The following STK11 variants were observed in gnomAD, a reference collection of about 807,000 sequenced individuals.
STK11 encodes the protein serine/threonine kinase 11.
STK11 carries 8 observed loss-of-function variants against 47.3 expected under a neutral mutation model. That is an observed-to-expected ratio of 0.17 (90% CI 0.10 to 0.31). The LOEUF (loss-of-function observed/expected upper bound fraction) is 0.31, where lower values mean the gene tolerates loss of function less well. Ranked by LOEUF, STK11 falls within the 10% of genes least tolerant of loss-of-function variation. STK11 has a pLI of 1.00. For missense variants in STK11, 475 were observed against 605.0 expected (o/e 0.79, Z 2.25); for synonymous variants, 330 against 255.8 (o/e 1.29, Z -2.77).
At position 1,213,170 on chromosome 19, in the gene STK11, T is replaced by G. The variant is rs2080723461; in HGVS notation, c.291-5247T>G. ...TGCCACCATGCCCGGCTAATTTTTT[T>G]GTATTTTTAGTAGAGATGGGGTTTC... On this transcript the variant is annotated intron_variant, in intron 1 of 9. Coordinates refer to ENST00000326873, the MANE Select transcript of STK11 (RefSeq NM_000455.5). 2.0e-5 allele frequency among the ~76,000 whole-genome samples: 3 copies of G among 151,188 alleles called. No individual in the cohort carries two copies. The South Asian group carries it at 6.3e-4, about 32-fold the overall frequency.
At chr19:1,223,234 A>G (rs2145431700) in intron 8 of STK11, 62 bp downstream of exon 8, 5 of 1,550,344 alleles carry the variant, frequency 3.2e-6, no homozygotes, top group South Asian at 1.2e-5. Context: ...CCACGGGAGC[A>G]GGGTGCCTGC....
At position 1,219,383 on chromosome 19, in the gene STK11, A is replaced by G. The variant is rs369764220; in HGVS notation, c.434A>G (p.Glu145Gly). 1.1e-5 allele frequency: 17 copies of G among 1,506,544 alleles called. No individual in the cohort carries two copies. Among genetic ancestry groups the G allele is most frequent in the Non-Finnish European group, 1.5e-5 (17 of 1,123,030 alleles). 93.3% of individuals were successfully genotyped at this position (1,506,544 alleles called of 1,614,324 possible). Residue 145 changes from glutamate (E) to glycine (G), a missense_variant, in exon 3 of 10, where the codon GAG becomes GGG. Physicochemically the swap from Glu to Gly is moderately conservative, Grantham distance 98. This residue lies in a region of STK11 where 130 missense variants were observed against 239.7 expected (regional missense o/e 0.54). Coordinates refer to ENST00000326873, the MANE Select transcript of STK11 (RefSeq NM_000455.5). ...GMQEMLDSVP[E>G]KRFPVCQAHG... is the part of the protein sequence containing the mutation. ...CAGGAAATGCTGGACAGCGTGCCGG[A>G]GAAGCGTTTCCCAGTGTGCCAGGCC...
At chr19:1,225,012 G>A (rs1055088496) in intron 8 of STK11, 3 of 984,954 alleles carry the variant, frequency 3.0e-6, no homozygotes, top group Non-Finnish European at 3.6e-6. Context: ...CGGCCTCTGC[G>A]TGCCTCCACT....
chr19:1,206,056 C>A lies in STK11; in HGVS notation c.-858C>A, dbSNP rs2080662004. On this transcript the variant is annotated 5_prime_UTR_variant, in exon 1 of 10. Transcript: ENST00000326873. The stretch of plus-strand genomic sequence containing the variant: ...GCCGCCGGGAGCCCCGTGGAGCCCC[C>A]GCCGCCGCGCCGCCCCGCGGACCGG... The A allele has an allele frequency of 6.9e-6, 1 of 145,982 alleles. No homozygotes were observed. The highest frequency in any genetic ancestry group is 2.1e-4 in the South Asian group (1 of 4,804). The allele number at this position is 145,982 out of a possible 1,614,324, so 9.0% of individuals were successfully genotyped here.
At chr19:1,225,090 TTGGG>T (rs2080811687) in intron 8 of STK11, 1 of 985,948 alleles carries the variant, frequency 1.0e-6, no homozygotes, top group Non-Finnish European at 1.2e-6. Context: ...GGGAAGGGGC[TTGGG>T]CTAGATCCTG....
Position 1,227,729 on chromosome 19 carries a change from C to T in STK11, c.*153C>T, listed in dbSNP as rs1362573034. On this transcript the variant is annotated 3_prime_UTR_variant, in exon 10 of 10. Coordinates refer to ENST00000326873, the MANE Select transcript of STK11 (RefSeq NM_000455.5). ...AGGACCTCCGGAGCGCCCTGCAGGG[C>T]CGGGCAGGGGGACAGCAGGGACCGG... The T allele has an allele frequency of 9.3e-7, 1 of 1,071,734 alleles. No homozygotes were observed. The highest frequency in any genetic ancestry group is 4.5e-5 in the South Asian group (1 of 22,020). 66.4% of individuals were successfully genotyped at this position (1,071,734 alleles called of 1,614,324 possible). A position where few individuals can be genotyped will look rare whatever the true frequency, so the allele number is the denominator to read the frequency against.
Position 1,206,838 on chromosome 19 carries a change from A to G in STK11, c.-76A>G. On this transcript the variant is annotated 5_prime_UTR_variant, in exon 1 of 10. Coordinates refer to ENST00000326873, the MANE Select transcript of STK11 (RefSeq NM_000455.5). ...TTCTTTGTAAAATTTTGGAGAAGGG[A>G]AGTCGGAACACAAGGAAGGACCGCT... 1 of 1,441,760 alleles carries G rather than the reference A, an allele frequency of 6.9e-7. No homozygotes were observed. Among genetic ancestry groups the G allele is most frequent in the Non-Finnish European group, 9.2e-7 (1 of 1,088,986 alleles). 89.3% of individuals were successfully genotyped at this position (1,441,760 alleles called of 1,614,324 possible). A position where few individuals can be genotyped will look rare whatever the true frequency, so the allele number is the denominator to read the frequency against.
In STK11 at chr19:1,226,461, C is replaced by G. The variant is rs2145435827; in HGVS notation, c.1116C>G (p.Val372=). ...TTGCCGTCTCCCTCCCAGGACAGGT[C>G]CCAGAAGAGGAGGCCAGTCACAATG... ...YTQDFTVPGQ[V]PEEEASHNGQ... is the part of the protein sequence containing the mutation. The change falls in exon 9 of 10, where the codon GTC becomes GTG. Residue 372 remains valine, a synonymous_variant. Transcript: ENST00000326873. 6.2e-7 allele frequency: 1 copy of G among 1,610,814 alleles called. No individual in the cohort carries two copies. Among genetic ancestry groups the G allele is most frequent in the Non-Finnish European group, 8.5e-7 (1 of 1,179,178 alleles).
chr19:1,207,954 G>A (rs576058755), intron 1 of STK11, among the ~76,000 whole-genome samples: 31 of 152,352 alleles, frequency 2.0e-4, no homozygotes, highest in Admixed American at 1.8e-3. Context: ...GCACTGGCCG[G>A]CCTGAGCCTC....
At chr19:1,214,693 C>A (rs948091446) in intron 1 of STK11, among the ~76,000 whole-genome samples, 1 of 152,216 alleles carries the variant, frequency 6.6e-6, no homozygotes, top group East Asian at 1.9e-4. Flanking sequence ...ACTGCCCCTC[C>A]TCAGGGTTAG....
chr19:1,217,473 AAATG>A (rs1461350578), intron 1 of STK11, among the ~76,000 whole-genome samples: 1 of 151,892 alleles, frequency 6.6e-6, no homozygotes, highest in African/African-American at 2.4e-5. Context: ...GTGCTGGGAG[AAATG>A]AAGTGTCTGC....
intron 3 of STK11, 191 bp from the exon 4 acceptor site, chr19:1,220,182 C>T (rs1355947164): frequency 1.3e-5 from 9 of 669,948 alleles, no homozygotes; most frequent in East Asian, 5.9e-5. Context: ...CTCGGCCGGA[C>T]GAGGGTGGCC....
intron 8 of STK11, chr19:1,224,694 G>A: frequency 1.0e-6 from 1 of 985,686 alleles, no homozygotes; most frequent in Non-Finnish European, 1.2e-6. Context: ...CTGGGGTGAG[G>A]TGCCTGGGAG....
intron 9 of STK11, chr19:1,226,945 G>C (rs762449494): frequency 6.8e-6 from 3 of 439,890 alleles, no homozygotes; most frequent in Non-Finnish European, 1.2e-5. Flanking sequence ...GGTGCATTCC[G>C]AGGACCCTGC....
At chr19:1,214,789 C>T (rs1021258888) in intron 1 of STK11, among the ~76,000 whole-genome samples, 1 of 152,126 alleles carries the variant, frequency 6.6e-6, no homozygotes, top group Non-Finnish European at 1.5e-5. Context: ...CCTGAAGGCC[C>T]GTGGCTCCCT....
intron 1 of STK11, among the ~76,000 whole-genome samples, chr19:1,216,861 C>T (rs1395818476): frequency 2.0e-5 from 3 of 151,294 alleles, no homozygotes; most frequent in Non-Finnish European, 4.4e-5. Flanking sequence ...GTGCATCACA[C>T]ACTGTGTGTC....
chr19:1,212,407 GCACCACCA>G (rs1354430034), intron 1 of STK11, among the ~76,000 whole-genome samples: 1 of 148,568 alleles, frequency 6.7e-6, no homozygotes, highest in African/African-American at 2.5e-5. Flanking sequence ...CTGCAGATGT[GCACCACCA>G]CACCCGACTA....
At chr19:1,224,256 A>G (rs2080806186) in intron 8 of STK11, 1 of 985,094 alleles carries the variant, frequency 1.0e-6, no homozygotes. Flanking sequence ...CCAGGAGGGT[A>G]CAGCGTGTGT....
chr19:1,219,248 C>T, intron 2 of STK11, 76 bp from the exon 3 acceptor site: 2 of 1,501,072 alleles, frequency 1.3e-6, no homozygotes, highest in Non-Finnish European at 1.8e-6. Context: ...CCCTCCAGAG[C>T]CCCTTTTCTG....
Sources: allele counts gnomAD v4.1 joint callset (sites outside exome capture counted in the v4.1 genomes callset), GRCh38; gene constraint gnomAD v4.1.1; regional missense constraint gnomAD v4.1.1; transcripts MANE v1.5; gene names NCBI Gene and HGNC (gene_info 2026-07-23, HGNC 2026-07-21).